The following ODF2L variants were observed in gnomAD, a reference collection of about 807,000 sequenced individuals.
ODF2L encodes the protein protein BCAP.
In ODF2L, 76 loss-of-function variants were observed where a neutral mutation model predicts 86.3. The observed-to-expected ratio is 0.88, with a 90% confidence interval of 0.73 to 1.07. ODF2L has a LOEUF of 1.07. ODF2L is among the 50% of genes least tolerant of loss of function. The probability of loss-of-function intolerance (pLI) is 0.00; values close to 1 mark genes in which losing one functional copy is unlikely to be tolerated. For synonymous variants in ODF2L, 241 were observed against 231.3 expected, an observed-to-expected ratio of 1.04 and a Z score of -0.38; for missense variants, 748 against 717.4, an observed-to-expected ratio of 1.04 and a Z score of -0.49.
chr1:86,369,243 A>G (rs1314838540), intron 10 of ODF2L, among the ~76,000 whole-genome samples: 1 of 152,190 alleles, frequency 6.6e-6, no homozygotes, highest in Non-Finnish European at 1.5e-5. Context: ...AAAAATTCTA[A>G]TTCAGAATAT....
chr1:86,392,876 A>G (rs1661427970), intron 1 of ODF2L, among the ~76,000 whole-genome samples: 1 of 152,244 alleles, frequency 6.6e-6, no homozygotes, highest in East Asian at 1.9e-4. Flanking sequence ...ATATTTTAAA[A>G]TGTTTAAAGA....
chr1:86,353,330 T>C (rs372749914), intron 16 of ODF2L, among the ~76,000 whole-genome samples: 40 of 152,328 alleles, frequency 2.6e-4, no homozygotes, highest in African/African-American at 7.9e-4. Context: ...AGAGCAGTGA[T>C]GGAACATAGA....
At chr1:86,376,992 A>T (rs2390099) in intron 7 of ODF2L, among the ~76,000 whole-genome samples, 48,170 of 152,012 alleles carry the variant, frequency 0.32, 7,759 homozygotes, top group East Asian at 0.41. Context: ...TTAACCCAAA[A>T]GCCCAAGTCT....
Position 86,382,362 on chromosome 1 carries a change from T to G in ODF2L, c.508-4A>C. On this transcript the variant is annotated splice_polypyrimidine_tract_variant and splice_region_variant and intron_variant, in intron 6 of 17. Transcript: ENST00000317336. ...GGTTTGCTTTCAAAGTATTTGCCTG[T>G]AACAAAGAGAAAGAGAAAACCAAAA... The G allele has an allele frequency of 6.2e-7, 1 of 1,609,366 alleles. No individual in the cohort carries two copies. The highest frequency in any genetic ancestry group is 8.5e-7 in the Non-Finnish European group (1 of 1,178,238).
At chr1:86,376,449 T>C in intron 7 of ODF2L, 31 bp from the exon 8 acceptor site, 1 of 1,362,610 alleles carries the variant, frequency 7.3e-7, no homozygotes, top group Non-Finnish European at 1.0e-6. Flanking sequence ...AATTAAATTA[T>C]TTCAGAACTC....
chr1:86,355,116 C>T (rs932170559), intron 14 of ODF2L: 1 of 543,774 alleles, frequency 1.8e-6, no homozygotes, highest in Admixed American at 3.6e-5. Context: ...TATTAAAACA[C>T]TTTGAACAAC....
At chr1:86,384,773 A>G in exon 4 of ODF2L, 1 of 1,525,564 alleles carries the variant, frequency 6.6e-7, no homozygotes, top group Non-Finnish European at 8.8e-7. Context: ...CTGTTCAGAA[A>G]TCTTCAAATT....
At chr1:86,373,254 T>A (rs542963659) in intron 8 of ODF2L, among the ~76,000 whole-genome samples, 1 of 151,814 alleles carries the variant, frequency 6.6e-6, no homozygotes, top group South Asian at 2.1e-4. Context: ...CAATATTTCA[T>A]AATTAAGATA....
At chr1:86,373,456 GC>G (rs1448445295) in intron 8 of ODF2L, among the ~76,000 whole-genome samples, 1 of 148,082 alleles carries the variant, frequency 6.8e-6, no homozygotes, top group Non-Finnish European at 1.5e-5. Context: ...ATATACACAT[GC>G]ATATATAAAA....
intron 11 of ODF2L, among the ~76,000 whole-genome samples, chr1:86,363,265 T>C (rs1359476128): frequency 6.6e-6 from 1 of 152,168 alleles, no homozygotes; most frequent in African/African-American, 2.4e-5. Context: ...TGACAACTTT[T>C]AGACACCTAT....
chr1:86,373,391 C>T (rs1659946073), intron 8 of ODF2L, among the ~76,000 whole-genome samples: 1 of 150,562 alleles, frequency 6.6e-6, no homozygotes, highest in African/African-American at 2.4e-5. Flanking sequence ...ATCCTCCTGC[C>T]TCAGCCTCCC....
At chr1:86,355,502 G>T in intron 14 of ODF2L, 4 of 579,442 alleles carry the variant, frequency 6.9e-6, no homozygotes, top group South Asian at 2.1e-5. Context: ...TCTCTTCTCA[G>T]GAATTTAAAC....
intron 11 of ODF2L, among the ~76,000 whole-genome samples, chr1:86,367,366 C>A (rs58200516): frequency 6.6e-6 from 1 of 151,734 alleles, no homozygotes. Context: ...AAAGGAAACA[C>A]GATGTGGGTT....
At chr1:86,355,275 T>C (rs771867951) in intron 14 of ODF2L, 11 of 996,970 alleles carry the variant, frequency 1.1e-5, no homozygotes, top group Non-Finnish European at 1.7e-5. Context: ...ATCTGTGAAG[T>C]CGAAACTGTA....
At chr1:86,351,924 C>CA (rs1461304507) in exon 18 of ODF2L, 1 of 1,178,304 alleles carries the variant, frequency 8.5e-7, no homozygotes, top group Admixed American at 4.4e-5. Context: ...AAACCCACCT[C>CA]ATTTATTTTT....
chr1:86,358,453 G>A (rs1187397880), intron 13 of ODF2L: 1 of 154,290 alleles, frequency 6.5e-6, no homozygotes, highest in African/African-American at 2.4e-5. Context: ...CAGAAAAAAA[G>A]GGTGAGATTA....
At chr1:86,394,963 C>T (rs925277711) in intron 1 of ODF2L, among the ~76,000 whole-genome samples, 2 of 151,792 alleles carry the variant, frequency 1.3e-5, no homozygotes, top group African/African-American at 4.8e-5. Context: ...GCCTCAGCCT[C>T]CCGAGTAGCT....
At chr1:86,389,439 C>G (rs879251082) in intron 1 of ODF2L, among the ~76,000 whole-genome samples, 2 of 151,588 alleles carry the variant, frequency 1.3e-5, no homozygotes, top group Non-Finnish European at 2.9e-5. Context: ...ATTGAAAAGT[C>G]TGAAAGAACA....
At chr1:86,355,777 T>C (rs1570352164) in intron 14 of ODF2L, among the ~76,000 whole-genome samples, 1 of 139,330 alleles carries the variant, frequency 7.2e-6, no homozygotes, top group South Asian at 2.3e-4. Flanking sequence ...AGTGAGAAAA[T>C]GCAGTATTTT....
Sources: gnomAD v4.1 joint callset for allele counts (sites outside exome capture counted in the v4.1 genomes callset) on GRCh38, gnomAD v4.1.1 for gene constraint, MANE v1.5 for transcripts, NCBI Gene and HGNC (gene_info 2026-07-23, HGNC 2026-07-21) for gene names.